Variants in RIMBP2 observed in about 807,000 individuals in gnomAD.
The protein encoded by RIMBP2 is RIMS-binding protein 2.
A neutral mutation model predicts 118.6 loss-of-function variants in RIMBP2; 48 were observed. The observed-to-expected ratio is 0.40, with a 90% confidence interval of 0.32 to 0.51. RIMBP2 has a LOEUF of 0.51. Among genes scored for constraint, RIMBP2 ranks in the 20% least tolerant of loss-of-function variants. The pLI is 0.41. For missense variants in RIMBP2, 1,551 were observed against 1,768.3 expected (o/e 0.88, Z 2.20); for synonymous variants, 762 against 742.9 (o/e 1.03, Z -0.42).
chr12:130,665,287 G>A (rs1326151374), intron 1 of RIMBP2, among the ~76,000 whole-genome samples: 3 of 151,588 alleles, frequency 2.0e-5, no homozygotes, highest in Admixed American at 6.6e-5. Flanking sequence ...CACTTTGGGA[G>A]GCCGAGGTGG....
intron 3 of RIMBP2, among the ~76,000 whole-genome samples, chr12:130,517,115 G>A (rs573912910): frequency 6.6e-6 from 1 of 152,262 alleles, no homozygotes; most frequent in South Asian, 2.1e-4. Flanking sequence ...TGAGCACTCT[G>A]CCCTCATGAA....
chr12:130,425,159 TCAGGCCCCA>T (rs1434297257), intron 15 of RIMBP2: 7 of 284,254 alleles, frequency 2.5e-5, no homozygotes, highest in African/African-American at 1.3e-4. Flanking sequence ...CGGCGGCACA[TCAGGCCCCA>T]CAGTGCCCAC....
Position 130,620,874 on chromosome 12 carries a change from C to T in RIMBP2, c.-217+7448G>A, listed in dbSNP as rs2061266609. ...AACACCCCTCACCCTGTAACAGACT[C>T]TGTGACCCGCAGTCAACCACCCCAC... On this transcript the variant is annotated intron_variant, in intron 2 of 22. Coordinates refer to ENST00000690449, the MANE Select transcript of RIMBP2 (RefSeq NM_001393629.1). This position sits in a 1 kb window ranked among gnomAD's most constrained non-coding sequence, Gnocchi z 5.3. Among the ~76,000 whole-genome samples, 1 of 152,216 alleles carries T rather than the reference C, an allele frequency of 6.6e-6. No individual in the cohort carries two copies. The highest frequency in any genetic ancestry group is 1.5e-5 in the Non-Finnish European group (1 of 68,040).
At chr12:130,674,550 C>G (rs2064353505) in intron 1 of RIMBP2, among the ~76,000 whole-genome samples, 1 of 152,200 alleles carries the variant, frequency 6.6e-6, no homozygotes, top group South Asian at 2.1e-4. Flanking sequence ...GCGGCATACA[C>G]CAACACCCCT....
At chr12:130,405,876 T>C (rs2075125257) in intron 21 of RIMBP2, among the ~76,000 whole-genome samples, 1 of 152,196 alleles carries the variant, frequency 6.6e-6, no homozygotes, top group South Asian at 2.1e-4. Flanking sequence ...TGTAAATGTT[T>C]GGGTGGCAGC....
rs368630324 is a variant in RIMBP2, at chr12:130,528,554, CAT to C, written c.-216-10639_-216-10638del. On this transcript the variant is annotated intron_variant, in intron 2 of 22. Transcript: ENST00000690449. ...ATAGGTGCAGCAAACCACCATGGCA[CAT>C]GTTTACCTATGTAACAAACCTGCAT... 4.6e-3 allele frequency among the ~76,000 whole-genome samples: 696 copies of C among 152,296 alleles called. 9 individuals carry two copies. Among genetic ancestry groups the C allele is most frequent in the South Asian group, 0.015 (71 of 4,824 alleles).
chr12:130,665,001 T>C (rs2063857694), intron 1 of RIMBP2, among the ~76,000 whole-genome samples: 1 of 151,440 alleles, frequency 6.6e-6, no homozygotes, highest in Admixed American at 6.6e-5. Context: ...CCTCAGCAGG[T>C]GTGAGCAGCA....
At position 130,710,446 on chromosome 12, in the gene RIMBP2, G is replaced by A. The variant is rs750710150; in HGVS notation, c.-352+5776C>T. Among the ~76,000 whole-genome samples the A allele has an allele frequency of 5.9e-5, 9 of 151,756 alleles. No individual in the cohort carries two copies. Among genetic ancestry groups the A allele is most frequent in the Non-Finnish European group, 1.0e-4 (7 of 67,932 alleles). ...TGCACACACACACATACACGCAGGC[G>A]CACACACACACATACACACACACAC... On this transcript the variant is annotated intron_variant, in intron 1 of 22. Transcript: ENST00000690449. This position sits in a 1 kb window ranked among gnomAD's most constrained non-coding sequence, Gnocchi z 4.3.
chr12:130,451,006 T>C (rs1469967480), intron 8 of RIMBP2, among the ~76,000 whole-genome samples, 189 bp downstream of exon 8: 1 of 151,650 alleles, frequency 6.6e-6, no homozygotes, highest in East Asian at 1.9e-4. Context: ...TCACCTGTGT[T>C]CACAGAGGGG....
rs114657270 is a variant in RIMBP2 at position 130,433,223 on chromosome 12, G to A, written c.2253+1511C>T. Among the ~76,000 whole-genome samples the A allele has an allele frequency of 1.3e-3, 199 of 152,338 alleles. 1 individual carries two copies. The highest frequency in any genetic ancestry group is 4.4e-3 in the African/African-American group (185 of 41,580). On this transcript the variant is annotated intron_variant, in intron 14 of 22. Transcript: ENST00000690449. ...CTTAAAGAGGCTTAAGCCCATTTTA[G>A]CTTAGGCTTTGAGTCGTGGGGTTTA...
At chr12:130,697,072 C>T (rs1304076464) in intron 1 of RIMBP2, among the ~76,000 whole-genome samples, 3 of 152,140 alleles carry the variant, frequency 2.0e-5, no homozygotes, top group Non-Finnish European at 4.4e-5. Context: ...CGAAGGGTGT[C>T]AAACAAGATG....
At position 130,523,001 on chromosome 12, in the gene RIMBP2, T is replaced by C. The variant is rs1363208542; in HGVS notation, c.-216-5084A>G. On this transcript the variant is annotated intron_variant, in intron 2 of 22. Transcript: ENST00000690449. The surrounding 1 kb of genome is among the most constrained non-coding windows in gnomAD (Gnocchi z 4.4). ...CTCACTCTGCCTCGGTTTTAGTTTT[T>C]CTTTCTGCCTCTATGTCTATCTCTC... Among the ~76,000 whole-genome samples, 1 of 152,108 alleles carries C rather than the reference T, an allele frequency of 6.6e-6. No homozygotes were observed. Among genetic ancestry groups the C allele is most frequent in the Non-Finnish European group, 1.5e-5 (1 of 68,002 alleles).
At chr12:130,458,934 T>C (rs1163485516) in intron 6 of RIMBP2, among the ~76,000 whole-genome samples, 1 of 150,940 alleles carries the variant, frequency 6.6e-6, no homozygotes, top group African/African-American at 2.4e-5. Flanking sequence ...GTCCCAGCTA[T>C]TTGGGAGGCT....
chr12:130,428,288 G>T lies in RIMBP2; in HGVS notation c.2303C>A (p.Ser768Tyr), dbSNP rs1161952421. ...DEYHTESSRG[S>Y]DLSDIMEEDE... ...CTCCTCCATGATGTCTGAGAGGTCA[G>T]ACCCCCGGCTGCTCTCTGTGTGGTA... The change falls in exon 15 of 23, where the codon TCT becomes TAT. Residue 768 changes from serine (S) to tyrosine (Y), a missense_variant. By Grantham distance (144) the Ser-to-Tyr change is moderately radical. This residue lies in a region of RIMBP2 where 1,038 missense variants were observed against 1,125.1 expected (regional missense o/e 0.92). Transcript: ENST00000690449. The T allele has an allele frequency of 6.2e-7, 1 of 1,613,134 alleles. No homozygotes were observed. Among genetic ancestry groups the T allele is most frequent in the East Asian group, 2.2e-5 (1 of 44,816 alleles).
At chr12:130,564,331 G>GTTT (rs3996429) in intron 2 of RIMBP2, among the ~76,000 whole-genome samples, 47 of 151,794 alleles carry the variant, frequency 3.1e-4, no homozygotes, top group East Asian at 1.9e-3. Flanking sequence ...TCAGCACTGT[G>GTTT]TTTTTTTCCC....
intron 6 of RIMBP2, among the ~76,000 whole-genome samples, chr12:130,458,252 A>G (rs1330646042): frequency 1.3e-5 from 2 of 152,204 alleles, no homozygotes; most frequent in East Asian, 1.9e-4. Flanking sequence ...TCATTAAAAG[A>G]AATCAGCAGT....
intron 6 of RIMBP2, among the ~76,000 whole-genome samples, chr12:130,460,530 T>C (rs2137608552): frequency 6.6e-6 from 1 of 152,258 alleles, no homozygotes; most frequent in African/African-American, 2.4e-5. Flanking sequence ...TTGGTATTAG[T>C]ATTAATAGCA....
At chr12:130,586,841 A>T (rs2058917963) in intron 2 of RIMBP2, among the ~76,000 whole-genome samples, 1 of 94,066 alleles carries the variant, frequency 1.1e-5, no homozygotes, top group Admixed American at 1.3e-4. Context: ...ATCTAATTAA[A>T]CTAAAGAGCT....
chr12:130,594,950 T>C (rs190384835), intron 2 of RIMBP2, among the ~76,000 whole-genome samples: 1 of 152,328 alleles, frequency 6.6e-6, no homozygotes, highest in Admixed American at 6.5e-5. Context: ...ATGGTAATTA[T>C]TGTAATGGTG....
Sources: allele counts gnomAD v4.1 joint callset (sites outside exome capture counted in the v4.1 genomes callset), GRCh38; gene constraint gnomAD v4.1.1; regional missense constraint gnomAD v4.1.1; non-coding constraint Gnocchi (gnomAD v3.1); transcripts MANE v1.5; gene names NCBI Gene and HGNC (gene_info 2026-07-23, HGNC 2026-07-21).